HIPK2: variants seen among roughly 807,000 people sequenced by gnomAD.
The protein encoded by HIPK2 is homeodomain interacting protein kinase 2.
In HIPK2, 27 loss-of-function variants were observed where a neutral mutation model predicts 113.7. The observed-to-expected ratio is 0.24, with a 90% CI of 0.17 to 0.33. HIPK2 has a LOEUF of 0.33. HIPK2 is among the 10% of genes least tolerant of loss of function. The pLI, the probability that HIPK2 is intolerant of heterozygous loss-of-function variation, is 1.00. For missense variants in HIPK2, 1,257 were observed against 1,588.0 expected (o/e 0.79, Z 3.54); for synonymous variants, 631 against 642.2 (o/e 0.98, Z 0.26).
intron 1 of HIPK2, among the ~76,000 whole-genome samples, chr7:139,732,637 G>A (rs1388957222): frequency 1.3e-5 from 2 of 151,422 alleles, no homozygotes; most frequent in African/African-American, 2.4e-5. Flanking sequence ...CTAGCTCTGT[G>A]ATCTCAGCAA....
At chr7:139,581,597 G>T (rs1187789156) in intron 13 of HIPK2, among the ~76,000 whole-genome samples, 1 of 152,224 alleles carries the variant, frequency 6.6e-6, no homozygotes, top group East Asian at 1.9e-4. Context: ...TAAGAGGGCT[G>T]GGGGAGCGCT....
rs376177257 is a variant in HIPK2 at position 139,583,971 on chromosome 7, G to C, written c.2811C>G (p.Ser937=). The change falls in exon 13 of 15, where the codon TCC becomes TCG. Residue 937 remains serine, a synonymous_variant. Transcript: ENST00000406875. ...TGTTGTGCCCAGCACGCTGCTGCAC[G>C]GAGTAGGGGCTGGTGTTGCTGGAGG... ...SDSSSNTSPY[S]VQQRAGHNNA... 2 of 1,614,058 alleles carry C rather than the reference G, an allele frequency of 1.2e-6. No homozygotes were observed. The highest frequency in any genetic ancestry group is 1.7e-6 in the Non-Finnish European group (2 of 1,179,888).
chr7:139,754,841 C>G (rs986047767), intron 1 of HIPK2, among the ~76,000 whole-genome samples: 1 of 152,112 alleles, frequency 6.6e-6, no homozygotes, highest in African/African-American at 2.4e-5. Context: ...GCTTCCAATA[C>G]GTTCTCTTGC....
At chr7:139,604,652 C>A (rs1297779461) in intron 9 of HIPK2, among the ~76,000 whole-genome samples, 1 of 142,386 alleles carries the variant, frequency 7.0e-6, no homozygotes, top group Non-Finnish European at 1.5e-5. Context: ...CCACTGCACT[C>A]CAGCCTGGGC....
chr7:139,690,700 A>G (rs1234892435), intron 2 of HIPK2, among the ~76,000 whole-genome samples: 1 of 152,120 alleles, frequency 6.6e-6, no homozygotes, highest in Non-Finnish European at 1.5e-5. Context: ...AAATTTAAAG[A>G]GCCTGGCACT....
chr7:139,710,540 T>C (rs1257184598), intron 2 of HIPK2, among the ~76,000 whole-genome samples: 1 of 152,188 alleles, frequency 6.6e-6, no homozygotes, highest in Non-Finnish European at 1.5e-5. Context: ...GTCTTGGCAG[T>C]TGGTTTGTGT....
intron 1 of HIPK2, among the ~76,000 whole-genome samples, chr7:139,767,370 T>C (rs1393867398): frequency 1.3e-5 from 2 of 152,188 alleles, no homozygotes; most frequent in Non-Finnish European, 2.9e-5. Flanking sequence ...ACTTAGACCT[T>C]CACACCTACA....
At chr7:139,625,114 A>C (rs1039194569) in intron 6 of HIPK2, among the ~76,000 whole-genome samples, 1 of 152,134 alleles carries the variant, frequency 6.6e-6, no homozygotes, top group Non-Finnish European at 1.5e-5. Flanking sequence ...CCCCTCGTCC[A>C]TCTATCCTTC....
chr7:139,706,016 G>T (rs1794887156), intron 2 of HIPK2, among the ~76,000 whole-genome samples: 1 of 152,192 alleles, frequency 6.6e-6, no homozygotes, highest in Admixed American at 6.5e-5. Flanking sequence ...AGAAAAGCAG[G>T]TTGGAGGTTA....
At chr7:139,663,190 T>C (rs1222609738) in intron 2 of HIPK2, among the ~76,000 whole-genome samples, 3 of 152,214 alleles carry the variant, frequency 2.0e-5, no homozygotes, top group Admixed American at 6.5e-5. Context: ...CCCTCCACCA[T>C]GAAGCTTCTC....
At position 139,670,410 on chromosome 7, in the gene HIPK2, C is replaced by T. The variant is rs1201835840; in HGVS notation, c.1104-38685G>A. 2.2e-5 allele frequency among the ~76,000 whole-genome samples: 3 copies of T among 135,176 alleles called. No homozygotes were observed. In the East Asian group the frequency reaches 6.8e-4, roughly 30 times the overall value. 88.7% of individuals were successfully genotyped at this position (135,176 alleles called of 152,430 possible). On this transcript the variant is annotated intron_variant, in intron 2 of 14. Transcript: ENST00000406875. ...ACCAGCCAGGGCATCATAACGAGAG[C>T]CTATCTCTACAAAAAATCAGTTAAA...
rs1794129189 is a variant in HIPK2 at position 139,683,757 on chromosome 7, G to A, written c.1103+32175C>T. 1.3e-5 allele frequency among the ~76,000 whole-genome samples: 2 copies of A among 152,110 alleles called. No homozygotes were observed. Among genetic ancestry groups the A allele is most frequent in the African/African-American group, 4.8e-5 (2 of 41,410 alleles). On this transcript the variant is annotated intron_variant, in intron 2 of 14. Coordinates refer to ENST00000406875, the MANE Select transcript of HIPK2 (RefSeq NM_022740.5). The surrounding 1 kb of genome is among the most constrained non-coding windows in gnomAD (Gnocchi z 4.2). Reference sequence around the variant, plus strand: ...GAGGGTTGGCTATGTCCTTTCCAGAGTAAAATAGATAGATTCATTATTCTG... The same window carrying A: ...GAGGGTTGGCTATGTCCTTTCCAGAATAAAATAGATAGATTCATTATTCTG...
Position 139,573,217 on chromosome 7 carries a change from A to T in HIPK2, c.3307T>A (p.Tyr1103Asn), listed in dbSNP as rs747155656. The T allele has an allele frequency of 2.5e-6, 4 of 1,594,368 alleles. No homozygotes were observed. Among genetic ancestry groups the T allele is most frequent in the Non-Finnish European group, 2.6e-6 (3 of 1,172,308 alleles). Residue 1103 changes from tyrosine (Y) to asparagine (N), a missense_variant, in exon 15 of 15, where the codon TAC (tyrosine) becomes AAC (asparagine). By Grantham distance (143) the Tyr-to-Asn change is moderately radical. Coordinates refer to ENST00000406875, the MANE Select transcript of HIPK2 (RefSeq NM_022740.5). ...AGGGCCGCCGGCGCAGTGTAGGTGTAGAGGTGGGGCTGGGTGGGGAGGTGG... is the reference window on the plus strand; with the variant it reads ...AGGGCCGCCGGCGCAGTGTAGGTGTTGAGGTGGGGCTGGGTGGGGAGGTGG... ...AAHLPTQPHL[Y>N]TYTAPAALGS...
At chr7:139,668,110 G>A (rs1802116216) in intron 2 of HIPK2, among the ~76,000 whole-genome samples, 1 of 133,826 alleles carries the variant, frequency 7.5e-6, no homozygotes, top group African/African-American at 2.8e-5. Flanking sequence ...TGGGTGACAA[G>A]CGCAAAACTC....
chr7:139,583,307 G>A (rs974399782), intron 13 of HIPK2, among the ~76,000 whole-genome samples: 8 of 152,240 alleles, frequency 5.3e-5, no homozygotes, highest in Non-Finnish European at 1.2e-4. Flanking sequence ...AGATAGCAGT[G>A]CATGAGCAGA....
intron 2 of HIPK2, among the ~76,000 whole-genome samples, chr7:139,713,470 A>G (rs968341161): frequency 6.6e-6 from 1 of 152,184 alleles, no homozygotes; most frequent in African/African-American, 2.4e-5. Flanking sequence ...GGCTCCAGGA[A>G]GCGTCACATG....
At chr7:139,592,076 A>G (rs983809001) in intron 12 of HIPK2, among the ~76,000 whole-genome samples, 5 of 152,248 alleles carry the variant, frequency 3.3e-5, no homozygotes, top group East Asian at 1.9e-4. Flanking sequence ...TGCTTTATCT[A>G]TAATGATTTC....
At chr7:139,615,948 GTC>G (rs72244465) in intron 7 of HIPK2, among the ~76,000 whole-genome samples, 27,673 of 152,054 alleles carry the variant, frequency 0.18, 3,210 homozygotes, top group Non-Finnish European at 0.27. Flanking sequence ...GGGCATCAGT[GTC>G]TGTGTTTTGT....
chr7:139,641,535 T>G (rs1801022307), intron 2 of HIPK2, among the ~76,000 whole-genome samples: 1 of 152,212 alleles, frequency 6.6e-6, no homozygotes, highest in Admixed American at 6.5e-5. Flanking sequence ...AGCCATGCGC[T>G]TGGGCTGCTT....
Sources: gnomAD v4.1 joint callset for allele counts (sites outside exome capture counted in the v4.1 genomes callset) on GRCh38, gnomAD v4.1.1 for gene constraint, Gnocchi (gnomAD v3.1) non-coding constraint, MANE v1.5 for transcripts, NCBI Gene and HGNC (gene_info 2026-07-23, HGNC 2026-07-21) for gene names.